The following TSBP1 variants were observed in gnomAD, a reference collection of about 807,000 sequenced individuals.
TSBP1 encodes testis-expressed basic protein 1.
A neutral mutation model predicts 68.8 loss-of-function variants in TSBP1; 56 were observed. That is an observed-to-expected ratio of 0.81 (90% CI 0.66 to 1.02). The LOEUF (loss-of-function observed/expected upper bound fraction) is 1.02. Ranked by LOEUF, TSBP1 falls within the 50% of genes least tolerant of loss-of-function variation. TSBP1 has a pLI of 0.00. For synonymous variants in TSBP1, 171 were observed against 208.7 expected (o/e 0.82, Z 1.56); for missense variants, 502 against 641.2 (o/e 0.78, Z 2.34).
intron 9 of TSBP1, among the ~76,000 whole-genome samples, chr6:32,347,734 T>G (rs910051): frequency 0.063 from 9,537 of 152,280 alleles, 458 homozygotes; most frequent in Non-Finnish European, 0.11. Context: ...ATCTGGACTC[T>G]CCCTACCTTT....
chr6:32,339,187 A>T (rs1184893896), intron 10 of TSBP1, among the ~76,000 whole-genome samples, 188 bp from the exon 12 acceptor site: 3 of 151,396 alleles, frequency 2.0e-5, no homozygotes, highest in African/African-American at 7.3e-5. Context: ...TATTTTTCTT[A>T]TTCTTCATTT....
intron 16 of TSBP1, among the ~76,000 whole-genome samples, chr6:32,328,188 T>C (rs7451330): frequency 0.87 from 131,621 of 151,758 alleles, 57,139 homozygotes; most frequent in Middle Eastern, 0.94. Flanking sequence ...GTGATCTGGC[T>C]CACGGGGCCT....
chr6:32,344,504 G>A (rs1243991731), intron 9 of TSBP1, among the ~76,000 whole-genome samples: 3 of 151,944 alleles, frequency 2.0e-5, no homozygotes, highest in African/African-American at 7.3e-5. Context: ...AGCGTTTATG[G>A]TACTGAAACA....
At chr6:32,317,674 C>T (rs533491225) in intron 18 of TSBP1, among the ~76,000 whole-genome samples, 5 of 152,296 alleles carry the variant, frequency 3.3e-5, no homozygotes, top group East Asian at 3.9e-4. Flanking sequence ...CAAAAGAAGA[C>T]GTACATGCAG....
intron 14 of TSBP1, among the ~76,000 whole-genome samples, chr6:32,334,291 T>G (rs756291467): frequency 5.1e-4 from 77 of 152,158 alleles, no homozygotes; most frequent in Non-Finnish European, 1.5e-4. Flanking sequence ...TTTATCTCTC[T>G]CTAAACTGCA....
chr6:32,324,736 A>T, intron 16 of TSBP1: 1 of 1,525,670 alleles, frequency 6.6e-7, no homozygotes, highest in Non-Finnish European at 8.8e-7. Context: ...TTTCCTACTC[A>T]TTTTTTTTTC....
In TSBP1 at chr6:32,314,085, C is replaced by G. The variant is rs1003979804; in HGVS notation, c.580+1687G>C. On this transcript the variant is annotated intron_variant, in intron 19 of 22. Coordinates refer to ENST00000612031, the Ensembl canonical transcript of TSBP1. The surrounding 1 kb of genome is among the most constrained non-coding windows in gnomAD (Gnocchi z 4.2). ...CTCACCATTCCTCCCAAGAGCTTAA[C>G]TTTAGCTTTCCTTTCTTTATATGTG... 3.3e-5 allele frequency among the ~76,000 whole-genome samples: 5 copies of G among 152,156 alleles called. No individual in the cohort carries two copies. The highest frequency in any genetic ancestry group is 1.2e-4 in the African/African-American group (5 of 41,426).
At position 32,367,971 on chromosome 6, in the gene TSBP1, G is replaced by C. The variant is rs1402651179; in HGVS notation, c.134-14C>G. ...GAAGTCTAGCACCTAGAAAAAAAGG[G>C]AGAGCACATGATTTTGCTTCTTGAT... is the stretch of plus-strand genomic sequence containing the variant. On this transcript the variant is annotated splice_polypyrimidine_tract_variant and intron_variant, in intron 3 of 22. Coordinates refer to ENST00000612031, the Ensembl canonical transcript of TSBP1. The C allele has an allele frequency of 1.3e-6, 2 of 1,599,480 alleles. No individual in the cohort carries two copies. Among genetic ancestry groups the C allele is most frequent in the South Asian group, 2.2e-5 (2 of 90,076 alleles).
intron 9 of TSBP1, among the ~76,000 whole-genome samples, chr6:32,347,018 G>T (rs1771090948): frequency 6.6e-6 from 1 of 152,058 alleles, no homozygotes; most frequent in African/African-American, 2.4e-5. Flanking sequence ...AGTATGTGAG[G>T]AAATGGATAT....
Position 32,303,978 on chromosome 6 carries a change from G to T in TSBP1, c.581-1349C>A, listed in dbSNP as rs117529144. 3.2e-3 allele frequency among the ~76,000 whole-genome samples: 494 copies of T among 152,118 alleles called. 16 individuals are homozygous for T. In the East Asian group the frequency reaches 0.069, roughly 21 times the overall value. ...TTCAGACTGTGATACAAACTTCTTAGTGTATTATTTCCATAGTCTTCCCAG... is the reference window on the plus strand; with the variant it reads ...TTCAGACTGTGATACAAACTTCTTATTGTATTATTTCCATAGTCTTCCCAG... On this transcript the variant is annotated intron_variant, in intron 19 of 22. Transcript: ENST00000612031.
rs1410722184 is a variant in TSBP1 at position 32,365,465 on chromosome 6, T to TAGCA, written c.217+701_217+702insTGCT. The stretch of plus-strand genomic sequence containing the variant: ...AGGAGCATAGGTCACGCATCTCAAA[T>TAGCA]GGCAGGCTTTCTGATGAGGCTTTCT... On this transcript the variant is annotated intron_variant, in intron 6 of 22. Coordinates refer to ENST00000612031, the Ensembl canonical transcript of TSBP1. The surrounding 1 kb of genome is among the most constrained non-coding windows in gnomAD (Gnocchi z 4.3). 2 of 456,742 alleles carry TAGCA rather than the reference T, an allele frequency of 4.4e-6. No homozygotes were observed. Among genetic ancestry groups the TAGCA allele is most frequent in the Non-Finnish European group, 8.8e-6 (2 of 227,016 alleles). 28.3% of individuals were successfully genotyped at this position (456,742 alleles called of 1,614,324 possible).
chr6:32,303,147 A>G lies in TSBP1; in HGVS notation c.581-518T>C, dbSNP rs186031451. 6.7e-3 allele frequency among the ~76,000 whole-genome samples: 1,016 copies of G among 150,936 alleles called. 17 individuals are homozygous for G. Among genetic ancestry groups the G allele is most frequent in the East Asian group, 0.02 (103 of 5,168 alleles). On this transcript the variant is annotated intron_variant, in intron 19 of 22. Coordinates refer to ENST00000612031, the Ensembl canonical transcript of TSBP1. ...AAATGTTCCTACCCTAGGGTGGTTT[A>G]CTTGTTGTCTTCTCTGATTGAAATA... is the stretch of plus-strand genomic sequence containing the variant.
chr6:32,305,175 C>T (rs922170914), intron 19 of TSBP1, among the ~76,000 whole-genome samples: 4 of 152,076 alleles, frequency 2.6e-5, no homozygotes, highest in South Asian at 2.1e-4. Context: ...TAACAGGACC[C>T]GTTTAGGATT....
At position 32,314,079 on chromosome 6, in the gene TSBP1, G is replaced by A. The variant is rs1469814272; in HGVS notation, c.580+1693C>T. On this transcript the variant is annotated intron_variant, in intron 19 of 22. Transcript: ENST00000612031. The surrounding 1 kb of genome is among the most constrained non-coding windows in gnomAD (Gnocchi z 4.2). ...CATCCCCTCACCATTCCTCCCAAGA[G>A]CTTAACTTTAGCTTTCCTTTCTTTA... Among the ~76,000 whole-genome samples the A allele has an allele frequency of 1.3e-5, 2 of 152,040 alleles. No individual in the cohort carries two copies. The highest frequency in any genetic ancestry group is 4.8e-5 in the African/African-American group (2 of 41,370).
Position 32,336,777 on chromosome 6 carries a change from C to T in TSBP1, c.410-142G>A. On this transcript the variant is annotated intron_variant, in intron 11 of 22. Transcript: ENST00000612031. The surrounding 1 kb of genome is among the most constrained non-coding windows in gnomAD (Gnocchi z 5.2). ...ACTGCAGATGATCTTAGCCTGGAAG[C>T]TGCATAACCCTCCTACCAGATCAAA... 3 of 666,218 alleles carry T rather than the reference C, an allele frequency of 4.5e-6. No individual in the cohort carries two copies. Among genetic ancestry groups the T allele is most frequent in the Non-Finnish European group, 8.0e-6 (3 of 374,834 alleles). The allele number at this position is 666,218 out of a possible 1,614,324, so 41.3% of individuals were successfully genotyped here.
chr6:32,326,027 C>G (rs887409527), intron 16 of TSBP1: 104 of 1,524,670 alleles, frequency 6.8e-5, no homozygotes, highest in Admixed American at 2.5e-4. Flanking sequence ...AATCAGTCTT[C>G]AAATTTTGGA....
chr6:32,363,934 A>T (rs1207789741), intron 6 of TSBP1, among the ~76,000 whole-genome samples: 2 of 152,160 alleles, frequency 1.3e-5, no homozygotes, highest in African/African-American at 4.8e-5. Flanking sequence ...TATTGGTGAT[A>T]AACTCCCTCA....
chr6:32,357,443 G>A lies in TSBP1; in HGVS notation c.218-1774C>T. ...GTCACTTCCAAGTCCTGTGGCCTTG[G>A]GCAAGTCATTAATGTTTTTTAAGCA... On this transcript the variant is annotated intron_variant, in intron 6 of 22. Transcript: ENST00000612031. The surrounding 1 kb of genome is among the most constrained non-coding windows in gnomAD (Gnocchi z 4.7). Among the ~76,000 whole-genome samples, 1 of 152,050 alleles carries A rather than the reference G, an allele frequency of 6.6e-6. No individual in the cohort carries two copies. The highest frequency in any genetic ancestry group is 2.1e-4 in the South Asian group (1 of 4,816).
chr6:32,342,904 G>T (rs1023354713), intron 9 of TSBP1, among the ~76,000 whole-genome samples: 4 of 152,172 alleles, frequency 2.6e-5, no homozygotes, highest in Admixed American at 6.5e-5. Flanking sequence ...TTAAGGAGAA[G>T]CAGTTAAAGG....
Sources: allele counts gnomAD v4.1 joint callset (sites outside exome capture counted in the v4.1 genomes callset), GRCh38; gene constraint gnomAD v4.1.1; non-coding constraint Gnocchi (gnomAD v3.1); transcripts MANE v1.5; gene names NCBI Gene and HGNC (gene_info 2026-07-23, HGNC 2026-07-21).